Variants in PLCB1 observed in about 807,000 individuals in gnomAD.
PLCB1 encodes the protein phospholipase C beta 1.
In PLCB1, 46 loss-of-function variants were observed where a neutral mutation model predicts 161.8. The observed-to-expected ratio is 0.28, with a 90% CI of 0.22 to 0.36. PLCB1 has a LOEUF of 0.36. Ranked by LOEUF, PLCB1 falls within the 10% of genes least tolerant of loss-of-function variation. The pLI is 1.00. For missense variants in PLCB1, 1,016 were observed against 1,472.5 expected (o/e 0.69, Z 5.07); for synonymous variants, 517 against 503.7 (o/e 1.03, Z -0.35).
In PLCB1 at chr20:8,203,087, ACACACACGCG is replaced by A. The variant is rs1978338581; in HGVS notation, c.177+52724_177+52733del. Among the ~76,000 whole-genome samples, 3 of 133,816 alleles carry A rather than the reference ACACACACGCG, an allele frequency of 2.2e-5. No homozygotes were observed. The South Asian group carries it at 7.2e-4, about 32-fold the overall frequency. The allele number at this position is 133,816 out of a possible 152,430, so 87.8% of individuals were successfully genotyped here. A position where few individuals can be genotyped will look rare whatever the true frequency, so the allele number is the denominator to read the frequency against. On this transcript the variant is annotated intron_variant, in intron 2 of 31. Coordinates refer to ENST00000338037, the MANE Select transcript of PLCB1 (RefSeq NM_015192.4). ...AGCTCAGTCATTCTGGGTTGTATGC[ACACACACGCG>A]CACACACACACACACACGTACACAC...
chr20:8,278,989 AC>A (rs1332510184), intron 2 of PLCB1, among the ~76,000 whole-genome samples: 3 of 151,560 alleles, frequency 2.0e-5, no homozygotes, highest in African/African-American at 4.9e-5. Context: ...AAAAAAAAAA[AC>A]AAAACAGAAA....
At position 8,783,500 on chromosome 20, in the gene PLCB1, A is replaced by G. The variant is rs374415061; in HGVS notation, c.3112-4949A>G. Among the ~76,000 whole-genome samples, 311 of 152,306 alleles carry G rather than the reference A, an allele frequency of 2.0e-3. 8 individuals are homozygous for G. In the South Asian group the frequency reaches 0.044, roughly 21 times the overall value. On this transcript the variant is annotated intron_variant, in intron 27 of 31. Transcript: ENST00000338037. ...AAGAACTTTGAGCCCAAAACACAGAAGTTTATCTTGTTTAGAGATTAAGCA... is the reference window on the plus strand; with the variant it reads ...AAGAACTTTGAGCCCAAAACACAGAGGTTTATCTTGTTTAGAGATTAAGCA...
chr20:8,836,292 A>G (rs1053859601), intron 31 of PLCB1, among the ~76,000 whole-genome samples: 1 of 152,074 alleles, frequency 6.6e-6, no homozygotes, highest in African/African-American at 2.4e-5. Context: ...AACTGTGGCC[A>G]TTTTTTCAAT....
intron 10 of PLCB1, 98 bp downstream of exon 10, chr20:8,685,176 A>G (rs1990329304): frequency 3.3e-6 from 4 of 1,199,988 alleles, no homozygotes; most frequent in Non-Finnish European, 4.8e-6. Flanking sequence ...GTTTTCTTCC[A>G]TTTCCTGCGA....
At chr20:8,794,448 C>G (rs1375554343) in intron 31 of PLCB1, among the ~76,000 whole-genome samples, 1 of 152,198 alleles carries the variant, frequency 6.6e-6, no homozygotes, top group Non-Finnish European at 1.5e-5. Flanking sequence ...CATATGGGGT[C>G]CCTGACTTCC....
chr20:8,685,126 T>C, intron 10 of PLCB1, 48 bp downstream of exon 10: 1 of 1,539,928 alleles, frequency 6.5e-7, no homozygotes, highest in South Asian at 1.1e-5. Flanking sequence ...TCACCAAATT[T>C]CACCAACCTC....
chr20:8,159,853 G>T (rs1399841704), intron 2 of PLCB1, among the ~76,000 whole-genome samples: 3 of 151,934 alleles, frequency 2.0e-5, no homozygotes, highest in African/African-American at 7.3e-5. Flanking sequence ...CAGGCAGGGT[G>T]GCACATGCCT....
intron 31 of PLCB1, among the ~76,000 whole-genome samples, chr20:8,856,994 G>T (rs988487050): frequency 6.6e-6 from 1 of 152,222 alleles, no homozygotes; most frequent in Non-Finnish European, 1.5e-5. Context: ...TGAGCATGAG[G>T]TGGACAGCTC....
intron 23 of PLCB1, among the ~76,000 whole-genome samples, chr20:8,752,683 C>T (rs1600299201): frequency 1.3e-5 from 2 of 151,716 alleles, no homozygotes; most frequent in East Asian, 3.9e-4. Flanking sequence ...ATTCCAGCTA[C>T]TCGGGAGGCT....
intron 3 of PLCB1, among the ~76,000 whole-genome samples, chr20:8,539,286 C>T (rs1985178010): frequency 6.6e-6 from 1 of 152,098 alleles, no homozygotes; most frequent in Non-Finnish European, 1.5e-5. Context: ...ATCTTGAAGA[C>T]TCTCAAGTAA....
chr20:8,843,934 C>T (rs964410708), intron 31 of PLCB1, among the ~76,000 whole-genome samples: 3 of 152,172 alleles, frequency 2.0e-5, no homozygotes, highest in African/African-American at 7.2e-5. Flanking sequence ...GAGGCTACTG[C>T]TTCATTACAC....
intron 3 of PLCB1, among the ~76,000 whole-genome samples, chr20:8,499,389 A>G (rs1983310532): frequency 6.6e-6 from 1 of 152,228 alleles, no homozygotes; most frequent in East Asian, 1.9e-4. Flanking sequence ...GCAAAACCTT[A>G]TGTATGAGTT....
intron 3 of PLCB1, among the ~76,000 whole-genome samples, chr20:8,459,668 T>C (rs1266419451): frequency 2.6e-5 from 4 of 152,236 alleles, no homozygotes; most frequent in Non-Finnish European, 5.9e-5. Context: ...TCTAAAGGGA[T>C]TGTTACAAAC....
At chr20:8,563,578 A>G (rs1204005467) in intron 3 of PLCB1, among the ~76,000 whole-genome samples, 1 of 152,126 alleles carries the variant, frequency 6.6e-6, no homozygotes, top group Non-Finnish European at 1.5e-5. Flanking sequence ...AGATGACATG[A>G]TTGTATATTT....
chr20:8,382,927 T>A (rs1028728951), intron 3 of PLCB1, among the ~76,000 whole-genome samples: 15 of 152,182 alleles, frequency 9.9e-5, no homozygotes, highest in African/African-American at 3.1e-4. Flanking sequence ...TACTTTTGCA[T>A]TTGCTGAGGA....
At chr20:8,479,478 G>A (rs1441052685) in intron 3 of PLCB1, among the ~76,000 whole-genome samples, 1 of 152,198 alleles carries the variant, frequency 6.6e-6, no homozygotes, top group Non-Finnish European at 1.5e-5. Context: ...AGTTTTGTGA[G>A]GAAAATGGTT....
At chr20:8,347,630 T>G (rs917848699) in intron 2 of PLCB1, among the ~76,000 whole-genome samples, 8 of 152,242 alleles carry the variant, frequency 5.3e-5, no homozygotes, top group Admixed American at 1.3e-4. Flanking sequence ...ATAGCCATAT[T>G]AATGGAATTG....
chr20:8,686,580 T>G (rs937746040), intron 10 of PLCB1, among the ~76,000 whole-genome samples: 1 of 152,226 alleles, frequency 6.6e-6, no homozygotes, highest in African/African-American at 2.4e-5. Context: ...TACATTTTAT[T>G]TTTTCACCTT....
At chr20:8,407,913 C>T (rs929268109) in intron 3 of PLCB1, among the ~76,000 whole-genome samples, 2 of 152,080 alleles carry the variant, frequency 1.3e-5, no homozygotes, top group South Asian at 2.1e-4. Context: ...GAGCAGGATT[C>T]CTTAAAACAG....
Sources: allele counts gnomAD v4.1 joint callset (sites outside exome capture counted in the v4.1 genomes callset), GRCh38; gene constraint gnomAD v4.1.1; transcripts MANE v1.5; gene names NCBI Gene and HGNC (gene_info 2026-07-23, HGNC 2026-07-21).